Variants in UBE2N observed in about 807,000 individuals in gnomAD.
The protein encoded by UBE2N is ubiquitin-conjugating enzyme E2 N.
For missense variants in UBE2N, 60 were observed against 192.1 expected (o/e 0.31, Z 4.07); for synonymous variants, 70 against 69.2 (o/e 1.01, Z -0.06).
chr12:93,412,853 G>A (rs1318084986), intron 1 of UBE2N, among the ~76,000 whole-genome samples: 2 of 152,172 alleles, frequency 1.3e-5, no homozygotes, highest in Non-Finnish European at 2.9e-5. Context: ...AGCATGCCAG[G>A]GCAAATATTT....
chr12:93,411,729 G>C (rs979611249), intron 1 of UBE2N, among the ~76,000 whole-genome samples: 2 of 151,948 alleles, frequency 1.3e-5, no homozygotes, highest in African/African-American at 2.4e-5. Flanking sequence ...ATCTCACTTT[G>C]TCACTCACGC....
At chr12:93,422,646 GATTT>G (rs1191612374) in intron 1 of UBE2N, among the ~76,000 whole-genome samples, 1 of 152,142 alleles carries the variant, frequency 6.6e-6, no homozygotes, top group Non-Finnish European at 1.5e-5. Flanking sequence ...AAAATAATAA[GATTT>G]ATTAGCAAAA....
intron 1 of UBE2N, among the ~76,000 whole-genome samples, chr12:93,419,501 T>C (rs1262434237): frequency 6.6e-6 from 1 of 152,222 alleles, no homozygotes; most frequent in Non-Finnish European, 1.5e-5. Context: ...AAAAAATTTA[T>C]GGCAATTTCA....
Position 93,423,166 on chromosome 12 carries a change from T to C in UBE2N, c.31-11867A>G, listed in dbSNP as rs369842154. 1.9e-4 allele frequency among the ~76,000 whole-genome samples: 29 copies of C among 152,364 alleles called. No homozygotes were observed. In the East Asian group the frequency reaches 5.4e-3, roughly 28 times the overall value. The stretch of plus-strand genomic sequence containing the variant: ...ACACTGTAGAATGTGTTGCACACAG[T>C]GTGAGCACTGAAATCATCGTGATGT... On this transcript the variant is annotated intron_variant, in intron 1 of 3. Transcript: ENST00000318066.
rs1454333360 is a variant in UBE2N, at chr12:93,407,738, G to A, written c.*2301C>T. On this transcript the variant is annotated 3_prime_UTR_variant, in exon 4 of 4. Coordinates refer to ENST00000318066, the MANE Select transcript of UBE2N (RefSeq NM_003348.4). ...TGTTTTAACCAGCCACACTGTGTGG[G>A]CCAGGGAAAACAGGCCCAAAGGCCA... The A allele has an allele frequency of 6.6e-6, 1 of 152,178 alleles. No homozygotes were observed. The highest frequency in any genetic ancestry group is 1.5e-5 in the Non-Finnish European group (1 of 68,032). The allele number at this position is 152,178 out of a possible 1,614,324, so 9.4% of individuals were successfully genotyped here. A position where few individuals can be genotyped will look rare whatever the true frequency, so the allele number is the denominator to read the frequency against.
intron 3 of UBE2N, 123 bp from the exon 4 acceptor site, chr12:93,410,202 A>G (rs1877993046): frequency 2.1e-6 from 2 of 954,284 alleles, no homozygotes. Flanking sequence ...TGTTAAATTC[A>G]CGCCTTTTTC....
intron 1 of UBE2N, among the ~76,000 whole-genome samples, chr12:93,433,998 T>A (rs929937853): frequency 6.6e-6 from 1 of 152,342 alleles, no homozygotes; most frequent in Non-Finnish European, 1.5e-5. Context: ...ATAGAACAGA[T>A]GTTCTCTAAT....
intron 1 of UBE2N, among the ~76,000 whole-genome samples, chr12:93,413,374 T>C (rs1349906967): frequency 6.6e-6 from 1 of 152,194 alleles, no homozygotes; most frequent in African/African-American, 2.4e-5. Context: ...TCTCTGTTTA[T>C]ACATTTCCAC....
chr12:93,415,914 G>A lies in UBE2N; in HGVS notation c.31-4615C>T, dbSNP rs191732187. Among the ~76,000 whole-genome samples the A allele has an allele frequency of 2.6e-5, 4 of 152,232 alleles. No homozygotes were observed. In the East Asian group the frequency reaches 7.7e-4, roughly 29 times the overall value. ...AATACACAGTGGCAGAGATAGGTATGGCATTTACTTTCTCATCTTCAGTTC... is the reference window on the plus strand; with the variant it reads ...AATACACAGTGGCAGAGATAGGTATAGCATTTACTTTCTCATCTTCAGTTC... On this transcript the variant is annotated intron_variant, in intron 1 of 3. Transcript: ENST00000318066.
In UBE2N at chr12:93,406,354, C is replaced by T. The variant is rs1014716368; in HGVS notation, c.*3685G>A. The T allele has an allele frequency of 2.0e-5, 3 of 147,710 alleles. No individual in the cohort carries two copies. Among genetic ancestry groups the T allele is most frequent in the Non-Finnish European group, 4.4e-5 (3 of 67,422 alleles). 9.1% of individuals were successfully genotyped at this position (147,710 alleles called of 1,614,324 possible). A position where few individuals can be genotyped will look rare whatever the true frequency, so the allele number is the denominator to read the frequency against. On this transcript the variant is annotated 3_prime_UTR_variant, in exon 4 of 4. Coordinates refer to ENST00000318066, the MANE Select transcript of UBE2N (RefSeq NM_003348.4). ...AAATGAGGCCTATTCCTATCATTTCCTCGATCCAATTTAGTTCCACTTAGG... is the reference window on the plus strand; with the variant it reads ...AAATGAGGCCTATTCCTATCATTTCTTCGATCCAATTTAGTTCCACTTAGG...
At chr12:93,438,579 G>C (rs1409837420) in intron 1 of UBE2N, among the ~76,000 whole-genome samples, 1 of 151,926 alleles carries the variant, frequency 6.6e-6, no homozygotes, top group Non-Finnish European at 1.5e-5. Flanking sequence ...CTAAGGGGTG[G>C]GGGGGAAGGC....
chr12:93,416,624 C>T (rs528724639), intron 1 of UBE2N, among the ~76,000 whole-genome samples: 134 of 152,184 alleles, frequency 8.8e-4, no homozygotes, highest in African/African-American at 3.2e-3. Flanking sequence ...TCTCGAACTC[C>T]TGACTTAAAG....
intron 1 of UBE2N, among the ~76,000 whole-genome samples, chr12:93,416,647 C>T (rs1269596613): frequency 6.6e-6 from 1 of 152,076 alleles, no homozygotes; most frequent in Non-Finnish European, 1.5e-5. Flanking sequence ...ATCTGCCCGC[C>T]TCAGCCTCCC....
At chr12:93,415,355 C>T (rs1433392559) in intron 1 of UBE2N, among the ~76,000 whole-genome samples, 2 of 152,148 alleles carry the variant, frequency 1.3e-5, no homozygotes, top group Non-Finnish European at 2.9e-5. Context: ...AATGCTTCCC[C>T]AAAATGTGTT....
rs1565791117 is a variant in UBE2N, at chr12:93,410,097, CAT to C, written c.419-20_419-19del. 3 of 1,611,138 alleles carry C rather than the reference CAT, an allele frequency of 1.9e-6. No homozygotes were observed. The highest frequency in any genetic ancestry group is 2.5e-6 in the Non-Finnish European group (3 of 1,178,418). ...TGCTCTAGCTGTAGACAGAAACAAA[CAT>C]ACGATTATTATTTTACTTAGTTCAA... On this transcript the variant is annotated intron_variant, in intron 3 of 3. Transcript: ENST00000318066.
intron 1 of UBE2N, among the ~76,000 whole-genome samples, chr12:93,433,085 A>C (rs1387492824): frequency 6.6e-6 from 1 of 151,790 alleles, no homozygotes; most frequent in Non-Finnish European, 1.5e-5. Flanking sequence ...GGCACCCACC[A>C]CCACGCCCAG....
Position 93,408,842 on chromosome 12 carries a change from A to G in UBE2N, c.*1197T>C, listed in dbSNP as rs1877944169. 1 of 152,598 alleles carries G rather than the reference A, an allele frequency of 6.6e-6. No individual in the cohort carries two copies. Among genetic ancestry groups the G allele is most frequent in the South Asian group, 2.1e-4 (1 of 4,834 alleles). 9.5% of individuals were successfully genotyped at this position (152,598 alleles called of 1,614,324 possible). On this transcript the variant is annotated 3_prime_UTR_variant, in exon 4 of 4. Transcript: ENST00000318066. ...ATCAGGTTTATAAGGAAGACTCACA[A>G]ATGCCTCAGCAAATCCCAAATGATC...
intron 1 of UBE2N, among the ~76,000 whole-genome samples, chr12:93,426,421 T>C (rs1448340444): frequency 1.4e-5 from 2 of 138,236 alleles, no homozygotes; most frequent in Admixed American, 7.2e-5. Context: ...TACAAAGTCA[T>C]AAAAATAGCC....
chr12:93,410,579 C>A, intron 3 of UBE2N, 155 bp downstream of exon 3: 1 of 1,167,898 alleles, frequency 8.6e-7, no homozygotes, highest in Non-Finnish European at 1.2e-6. Context: ...CATAGCAAGC[C>A]ATTTTGTTAA....
Sources: gnomAD v4.1 joint callset for allele counts (sites outside exome capture counted in the v4.1 genomes callset) on GRCh38, gnomAD v4.1.1 for gene constraint, MANE v1.5 for transcripts, NCBI Gene and HGNC (gene_info 2026-07-23, HGNC 2026-07-21) for gene names.